C16orf89: variants seen among roughly 807,000 people sequenced by gnomAD.
C16orf89 encodes the protein chromosome 16 open reading frame 89, also known as UPF0764 protein C16orf89.
In C16orf89, 57 loss-of-function variants were observed where a neutral mutation model predicts 41.5. The ratio of observed to expected loss-of-function variants is 1.38; its 90% confidence interval spans 1.11 to 1.71. The LOEUF (loss-of-function observed/expected upper bound fraction) is 1.71. Ranked by LOEUF, C16orf89 falls within the 40% of genes most tolerant of loss-of-function variation. The pLI, the probability that C16orf89 is intolerant of heterozygous loss-of-function variation, is 0.00. For missense variants in C16orf89, 575 were observed against 445.9 expected, an observed-to-expected ratio of 1.29 and a Z score of -2.61; for synonymous variants, 223 against 190.6, an observed-to-expected ratio of 1.17 and a Z score of -1.40.
chr16:5,055,201 AC>A (rs766934227), intron 6 of C16orf89, 44 bp downstream of exon 6: 3 of 1,312,898 alleles, frequency 2.3e-6, no homozygotes, highest in South Asian at 1.2e-5. Flanking sequence ...AGCCACCCCC[AC>A]CCCCACTGCC....
At chr16:5,044,628 G>T in intron 7 of C16orf89, 150 bp from the exon 8 acceptor site, 1 of 1,426,484 alleles carries the variant, frequency 7.0e-7, no homozygotes, top group Non-Finnish European at 9.5e-7. Context: ...GATCTCTTGA[G>T]ATCAGGAGTT....
downstream of C16orf89, chr16:5,044,015 G>T: frequency 1.6e-6 from 1 of 609,986 alleles, no homozygotes. Flanking sequence ...AAAAAAAAAA[G>T]GAAAAAAGAA....
In C16orf89 at chr16:5,058,610, C is replaced by T. The variant is rs1388122984; in HGVS notation, c.510G>A (p.Gly170=). 2.5e-6 allele frequency: 4 copies of T among 1,608,514 alleles called. No homozygotes were observed. Among genetic ancestry groups the T allele is most frequent in the Admixed American group, 1.7e-5 (1 of 59,838 alleles). The change falls in exon 4 of 8, where the codon GGG becomes GGA. Residue 170 remains glycine (G), a splice_region_variant and synonymous_variant. Coordinates refer to ENST00000472572, the MANE Select transcript of C16orf89 (RefSeq NM_001098514.3). ...GGCCGCAGGGCTCGCTGCTGTCCGT[C>T]CTGGGGGAAAGTGGTTCCAAGCTGT... The part of the protein sequence containing the change: ...DVCLVQLLGT[G]TDSSEPCGLS...
chr16:5,044,514 A>G (rs372216879), intron 7 of C16orf89, 36 bp from the exon 8 acceptor site: 112 of 1,610,646 alleles, frequency 7.0e-5, no homozygotes, highest in Non-Finnish European at 8.7e-5. Flanking sequence ...CTGGGTGGCA[A>G]GAACCTTGGC....
rs140859577 is a variant in C16orf89, at chr16:5,060,252, G to T, written c.509+34C>A. The stretch of plus-strand genomic sequence containing the variant: ...GACCAGCTGAGAACTAGTGCGTTTG[G>T]GTTTCCAGCAAATAGGGCAAGTGCA... On this transcript the variant is annotated intron_variant, in intron 3 of 7. Transcript: ENST00000472572. The T allele has an allele frequency of 5.6e-4, 878 of 1,577,082 alleles. 40 individuals carry two copies. In the East Asian group the frequency reaches 0.017, roughly 30 times the overall value.
At chr16:5,047,485 T>G (rs1956319856) in intron 7 of C16orf89, among the ~76,000 whole-genome samples, 2 of 151,608 alleles carry the variant, frequency 1.3e-5, no homozygotes, top group African/African-American at 4.8e-5. Flanking sequence ...TTTTTTTTTT[T>G]GAGACAGGGT....
At chr16:5,060,771 A>G (rs1301259489) in intron 2 of C16orf89, among the ~76,000 whole-genome samples, 1 of 151,852 alleles carries the variant, frequency 6.6e-6, no homozygotes, top group African/African-American at 2.4e-5. Context: ...AGGCTAAGGA[A>G]GGAAGATCGC....
At chr16:5,052,525 A>G (rs1164564856) in intron 6 of C16orf89, among the ~76,000 whole-genome samples, 1 of 151,944 alleles carries the variant, frequency 6.6e-6, no homozygotes, top group African/African-American at 2.4e-5. Flanking sequence ...CAGGAGGCAG[A>G]GGTTGCAGTG....
At chr16:5,045,383 A>C (rs183872950) in intron 7 of C16orf89, among the ~76,000 whole-genome samples, 36 of 152,308 alleles carry the variant, frequency 2.4e-4, no homozygotes, top group African/African-American at 8.7e-4. Flanking sequence ...AGGCCTGAGC[A>C]CTTGCCTGAG....
chr16:5,043,999 T>TAAA, downstream of C16orf89: 44 of 376,548 alleles, frequency 1.2e-4, no homozygotes, highest in Non-Finnish European at 1.5e-4. Flanking sequence ...ATCTATTAAT[T>TAAA]AAAAAAAAAA....
intron 6 of C16orf89, 151 bp downstream of exon 6, chr16:5,055,095 G>C: frequency 2.9e-6 from 2 of 686,718 alleles, no homozygotes; most frequent in Non-Finnish European, 4.9e-6. Flanking sequence ...GTTTCTCCTT[G>C]TGTGTACACG....
chr16:5,053,151 C>T (rs1596690710), intron 6 of C16orf89, among the ~76,000 whole-genome samples: 1 of 152,126 alleles, frequency 6.6e-6, no homozygotes, highest in Non-Finnish European at 1.5e-5. Context: ...GGGTGGATCA[C>T]TTGAGGTCAG....
At chr16:5,061,729 A>T (rs1369556501) in intron 2 of C16orf89, among the ~76,000 whole-genome samples, 1 of 152,092 alleles carries the variant, frequency 6.6e-6, no homozygotes, top group Non-Finnish European at 1.5e-5. Flanking sequence ...CTGCGGCTGG[A>T]CTGCCGTGTG....
intron 4 of C16orf89, among the ~76,000 whole-genome samples, chr16:5,056,801 A>T (rs1956517406): frequency 6.6e-6 from 1 of 152,204 alleles, no homozygotes; most frequent in African/African-American, 2.4e-5. Flanking sequence ...TTATAAAAAT[A>T]TTGGGCTGTC....
chr16:5,057,812 A>AG (rs1956541130), intron 4 of C16orf89, among the ~76,000 whole-genome samples: 1 of 151,974 alleles, frequency 6.6e-6, no homozygotes. Flanking sequence ...TACAGGTGTG[A>AG]GCCACCGTGC....
intron 6 of C16orf89, among the ~76,000 whole-genome samples, chr16:5,049,826 T>G (rs1956364953): frequency 6.6e-6 from 1 of 151,746 alleles, no homozygotes; most frequent in Non-Finnish European, 1.5e-5. Flanking sequence ...AGCCCCAAAT[T>G]AGTAGAAGGA....
chr16:5,044,481 A>G lies in C16orf89; in HGVS notation c.956-3T>C, dbSNP rs370236561. 2 of 1,612,226 alleles carry G rather than the reference A, an allele frequency of 1.2e-6. No individual in the cohort carries two copies. The highest frequency in any genetic ancestry group is 1.3e-5 in the African/African-American group (1 of 74,818). ...TGTGTTGTGGGAGGAGCAGCCATCT[A>G]GGGGAGAGAGCCCCCATGAGTGCTG... On this transcript the variant is annotated splice_polypyrimidine_tract_variant and splice_region_variant and intron_variant, in intron 7 of 7. Transcript: ENST00000472572.
chr16:5,054,456 C>T lies in C16orf89; in HGVS notation c.868+790G>A, dbSNP rs187209816. 3.1e-3 allele frequency among the ~76,000 whole-genome samples: 465 copies of T among 152,332 alleles called. 3 individuals carry two copies. Among genetic ancestry groups the T allele is most frequent in the Non-Finnish European group, 5.2e-3 (354 of 68,030 alleles). On this transcript the variant is annotated intron_variant, in intron 6 of 7. Coordinates refer to ENST00000472572, the MANE Select transcript of C16orf89 (RefSeq NM_001098514.3). ...CCTGGAGAGCCTTTCCTGGACTTCT[C>T]TTCTTCCTCACCCTGTCGTCTCCTT... is the stretch of plus-strand genomic sequence containing the variant.
chr16:5,052,377 C>T (rs1956414306), intron 6 of C16orf89, among the ~76,000 whole-genome samples: 1 of 152,112 alleles, frequency 6.6e-6, no homozygotes, highest in African/African-American at 2.4e-5. Context: ...TCACTTTGAG[C>T]TCAGGAATTC....
Sources: allele counts gnomAD v4.1 joint callset (sites outside exome capture counted in the v4.1 genomes callset), GRCh38; gene constraint gnomAD v4.1.1; transcripts MANE v1.5; gene names NCBI Gene and HGNC (gene_info 2026-07-23, HGNC 2026-07-21).